TSPAN11: variants seen among roughly 807,000 people sequenced by gnomAD.
TSPAN11 encodes the protein tetraspanin 11.
Under a neutral mutation model 32.9 loss-of-function variants are expected in TSPAN11, and 29 were observed. That is an observed-to-expected ratio of 0.88 (90% CI 0.66 to 1.20). TSPAN11 has a LOEUF of 1.20. Ranked by LOEUF, TSPAN11 falls within the 50% of genes most tolerant of loss-of-function variation. The pLI is 0.00. For missense variants in TSPAN11, 283 were observed against 329.1 expected, an observed-to-expected ratio of 0.86 and a Z score of 1.08; for synonymous variants, 140 against 141.3, an observed-to-expected ratio of 0.99 and a Z score of 0.07.
At chr12:30,963,552 C>T (rs56243125) in intron 2 of TSPAN11, among the ~76,000 whole-genome samples, 16,564 of 152,228 alleles carry the variant, frequency 0.11, 1,245 homozygotes, top group Non-Finnish European at 0.17. Flanking sequence ...TGGCCTCATA[C>T]GCAATAGGCC....
chr12:30,945,797 G>T (rs530665429), intron 1 of TSPAN11, among the ~76,000 whole-genome samples: 75 of 152,188 alleles, frequency 4.9e-4, no homozygotes, highest in African/African-American at 1.8e-3. Context: ...AGGCATTTGC[G>T]GTTGCTTTTC....
intron 7 of TSPAN11, among the ~76,000 whole-genome samples, chr12:30,991,285 G>A (rs1431743539): frequency 6.6e-6 from 1 of 152,220 alleles, no homozygotes; most frequent in African/African-American, 2.4e-5. Context: ...GCTCTTCCCA[G>A]AGTCTCAGTT....
intron 1 of TSPAN11, among the ~76,000 whole-genome samples, chr12:30,945,416 C>T (rs1248481706): frequency 6.6e-6 from 1 of 152,182 alleles, no homozygotes; most frequent in African/African-American, 2.4e-5. Flanking sequence ...AAGGATGCAG[C>T]TGGCCCAGGG....
chr12:30,934,631 GA>G (rs1196592124), intron 1 of TSPAN11, among the ~76,000 whole-genome samples: 6 of 140,628 alleles, frequency 4.3e-5, no homozygotes, highest in African/African-American at 1.0e-4. Flanking sequence ...AATATTATGA[GA>G]TTTTTTTTTT....
At chr12:30,929,814 G>T (rs895970192) in intron 1 of TSPAN11, among the ~76,000 whole-genome samples, 4 of 152,212 alleles carry the variant, frequency 2.6e-5, no homozygotes, top group Admixed American at 2.6e-4. Context: ...TCTCCTCCAC[G>T]TAAAATAGTC....
At chr12:30,956,488 C>A (rs1279087922) in intron 2 of TSPAN11, among the ~76,000 whole-genome samples, 1 of 152,178 alleles carries the variant, frequency 6.6e-6, no homozygotes, top group South Asian at 2.1e-4. Context: ...TCCACCTGAA[C>A]GAGGGCAGAC....
At chr12:31,012,386 T>TGCATGATGCATGTGTATCATACATAA in the TSPAN11 span, 99 of 152,474 alleles carry the variant, frequency 6.5e-4, no homozygotes, top group African/African-American at 2.3e-3. Context: ...ACACACATGG[T>TGCATGATGCATGTGTATCATACATAA]GCATGATGCA....
intron 3 of TSPAN11, among the ~76,000 whole-genome samples, chr12:30,977,814 G>C (rs1415113464): frequency 1.3e-5 from 2 of 152,200 alleles, no homozygotes; most frequent in African/African-American, 4.8e-5. Flanking sequence ...GCCAGCAGCA[G>C]CAACAGGGCT....
intron 5 of TSPAN11, among the ~76,000 whole-genome samples, chr12:30,982,101 C>T (rs1939103643): frequency 6.6e-6 from 1 of 152,154 alleles, no homozygotes; most frequent in Non-Finnish European, 1.5e-5. Context: ...GGCCTGGGAG[C>T]CTCTGACCAG....
At chr12:30,937,499 T>C (rs1056536629) in intron 1 of TSPAN11, among the ~76,000 whole-genome samples, 3 of 152,070 alleles carry the variant, frequency 2.0e-5, no homozygotes, top group Non-Finnish European at 2.9e-5. Context: ...GGATAGGAGT[T>C]AGTTAAAACA....
downstream of TSPAN11, chr12:30,998,831 A>G (rs1376512782): frequency 2.0e-5 from 3 of 152,252 alleles, no homozygotes; most frequent in Non-Finnish European, 4.4e-5. Flanking sequence ...ATTCTACTTT[A>G]GAGAACCCTG....
intron 1 of TSPAN11, among the ~76,000 whole-genome samples, chr12:30,928,556 A>AC (rs1937850072): frequency 6.6e-6 from 1 of 152,184 alleles, no homozygotes; most frequent in Admixed American, 6.5e-5. Context: ...GTCACCTGTC[A>AC]CTGAGACTTC....
chr12:31,009,833 C>T, the TSPAN11 span, among the ~76,000 whole-genome samples: 1 of 152,372 alleles, frequency 6.6e-6, no homozygotes, highest in East Asian at 1.9e-4. Flanking sequence ...ATTCACTCCT[C>T]TAAGCCTTGG....
In TSPAN11 at chr12:30,982,763, G is replaced by A. The variant is rs1722794419; in HGVS notation, c.615+73G>A. 6.0e-6 allele frequency: 9 copies of A among 1,492,816 alleles called. No homozygotes were observed. In the Admixed American group the frequency reaches 8.7e-5, roughly 14 times the overall value. The allele number at this position is 1,492,816 out of a possible 1,614,324, so 92.5% of individuals were successfully genotyped here. On this transcript the variant is annotated intron_variant, in intron 6 of 7. Transcript: ENST00000546076. ...GCCGTTCAGGAGCCCCAGAAAGGCT[G>A]GGTCAGGCAGGTGGGTGTGGGAAAA...
intron 5 of TSPAN11, among the ~76,000 whole-genome samples, chr12:30,980,896 A>T (rs1939077347): frequency 6.6e-6 from 1 of 152,210 alleles, no homozygotes; most frequent in South Asian, 2.1e-4. Flanking sequence ...CTGTGAGGAA[A>T]TGTGCTAGAC....
Position 30,992,188 on chromosome 12 carries a change from C to G in TSPAN11, c.*273C>G. ...TCAGGAGACAACCAGAGCCCCTCAC[C>G]AGGAACGGGGGCACCCGTGGACTAC... On this transcript the variant is annotated 3_prime_UTR_variant, in exon 8 of 8. Coordinates refer to ENST00000546076, the MANE Select transcript of TSPAN11 (RefSeq NM_001370302.1). 2 of 536,242 alleles carry G rather than the reference C, an allele frequency of 3.7e-6. No homozygotes were observed. The highest frequency in any genetic ancestry group is 6.7e-6 in the Non-Finnish European group (2 of 297,922). 33.2% of individuals were successfully genotyped at this position (536,242 alleles called of 1,614,324 possible).
intron 1 of TSPAN11, among the ~76,000 whole-genome samples, chr12:30,934,135 G>T (rs1334621320): frequency 6.6e-6 from 1 of 152,222 alleles, no homozygotes; most frequent in Non-Finnish European, 1.5e-5. Context: ...TCAAATTTCT[G>T]CAAGGCACTA....
At chr12:30,945,635 C>T (rs1310328345) in intron 1 of TSPAN11, among the ~76,000 whole-genome samples, 2 of 151,990 alleles carry the variant, frequency 1.3e-5, no homozygotes, top group Non-Finnish European at 1.5e-5. Flanking sequence ...TGGGCCCTTT[C>T]TACATGTCCC....
At chr12:30,946,559 T>C (rs2140279065) in intron 1 of TSPAN11, among the ~76,000 whole-genome samples, 1 of 152,296 alleles carries the variant, frequency 6.6e-6, no homozygotes, top group East Asian at 1.9e-4. Flanking sequence ...TAAGTAAATA[T>C]GGTACTGAAA....
Sources: gnomAD v4.1 joint callset for allele counts (sites outside exome capture counted in the v4.1 genomes callset) on GRCh38, gnomAD v4.1.1 for gene constraint, MANE v1.5 for transcripts, NCBI Gene and HGNC (gene_info 2026-07-23, HGNC 2026-07-21) for gene names.